The following L2HGDH variants were observed in gnomAD, a reference collection of about 807,000 sequenced individuals.
L2HGDH encodes L-2-hydroxyglutarate dehydrogenase, also known as L-2-hydroxyglutarate dehydrogenase, mitochondrial.
In L2HGDH, 34 loss-of-function variants were observed where a neutral mutation model predicts 51.5. That is an observed-to-expected ratio of 0.66 (90% CI 0.50 to 0.88). The LOEUF is 0.88. L2HGDH is among the 40% of genes least tolerant of loss of function. The pLI is 0.00. For synonymous variants in L2HGDH, 198 were observed against 197.9 expected (o/e 1.00, Z -0.01); for missense variants, 558 against 571.9 (o/e 0.98, Z 0.25).
chr14:50,251,853 C>T (rs1484109105), intron 9 of L2HGDH, among the ~76,000 whole-genome samples: 1 of 151,946 alleles, frequency 6.6e-6, no homozygotes, highest in East Asian at 1.9e-4. Flanking sequence ...ATATGTCCTA[C>T]AAGAAATACT....
At chr14:50,303,136 T>A in intron 1 of L2HGDH, 119 bp from the exon 2 acceptor site, 3 of 710,494 alleles carry the variant, frequency 4.2e-6, no homozygotes, top group Non-Finnish European at 2.5e-6. Flanking sequence ...TGAAAACGTA[T>A]TCGGCGGCCG....
At chr14:50,310,799 C>T (rs1229103277) in intron 1 of L2HGDH, among the ~76,000 whole-genome samples, 2 of 152,104 alleles carry the variant, frequency 1.3e-5, no homozygotes, top group Non-Finnish European at 2.9e-5. Flanking sequence ...GAACTGTCCA[C>T]ATGCCCCATA....
At chr14:50,288,922 T>G (rs1890713513) in intron 4 of L2HGDH, among the ~76,000 whole-genome samples, 1 of 152,254 alleles carries the variant, frequency 6.6e-6, no homozygotes, top group Admixed American at 6.5e-5. Context: ...ATTTGGTCTT[T>G]AAATCTGTTG....
intron 9 of L2HGDH, among the ~76,000 whole-genome samples, chr14:50,256,998 T>G (rs1342308000): frequency 1.3e-5 from 2 of 152,120 alleles, no homozygotes; most frequent in Admixed American, 1.3e-4. Context: ...TACAATGGTG[T>G]CATCTCAGCT....
chr14:50,301,993 C>T (rs767715371), intron 3 of L2HGDH, 24 bp downstream of exon 3: 1 of 1,613,086 alleles, frequency 6.2e-7, no homozygotes, highest in Admixed American at 1.7e-5. Context: ...GGAAATTAGT[C>T]AAGGCTCTAA....
At chr14:50,294,308 T>A in intron 3 of L2HGDH, 62 bp from the exon 4 acceptor site, 1 of 1,549,686 alleles carries the variant, frequency 6.5e-7, no homozygotes, top group African/African-American at 1.4e-5. Context: ...CGATGAAAGA[T>A]AAAGTCAATG....
chr14:50,308,438 CAA>C (rs1461011950), intron 1 of L2HGDH, among the ~76,000 whole-genome samples: 3 of 148,750 alleles, frequency 2.0e-5, no homozygotes, highest in African/African-American at 7.4e-5. Context: ...AATATTTCAT[CAA>C]AGAGGACAGA....
chr14:50,278,469 A>C (rs949426611), intron 6 of L2HGDH, 51 bp downstream of exon 6: 2 of 1,210,712 alleles, frequency 1.7e-6, no homozygotes, highest in Admixed American at 1.8e-5. Context: ...TTAATTTTTA[A>C]TAAAGGGGAG....
At chr14:50,286,347 A>G (rs990866773) in intron 4 of L2HGDH, among the ~76,000 whole-genome samples, 5 of 152,020 alleles carry the variant, frequency 3.3e-5, no homozygotes, top group Non-Finnish European at 7.4e-5. Flanking sequence ...GCTCTGCAAG[A>G]AGTACTTTAA....
intron 1 of L2HGDH, among the ~76,000 whole-genome samples, chr14:50,305,728 A>G (rs1224564755): frequency 6.6e-6 from 1 of 152,238 alleles, no homozygotes; most frequent in Non-Finnish European, 1.5e-5. Context: ...ACTTAATCAT[A>G]TTTTATATAC....
chr14:50,310,979 T>C (rs1338755654), intron 1 of L2HGDH, among the ~76,000 whole-genome samples: 73 of 147,090 alleles, frequency 5.0e-4, no homozygotes, highest in African/African-American at 1.7e-3. Context: ...AGTCTTGCTC[T>C]GTCGCCCAGG....
intron 4 of L2HGDH, among the ~76,000 whole-genome samples, chr14:50,285,735 C>G (rs1474881723): frequency 1.3e-5 from 2 of 152,190 alleles, no homozygotes; most frequent in East Asian, 3.8e-4. Flanking sequence ...TTACCCAGCA[C>G]AACGTCTGAC....
chr14:50,293,195 C>G, intron 4 of L2HGDH: 1 of 701,634 alleles, frequency 1.4e-6, no homozygotes, highest in Non-Finnish European at 2.6e-6. Flanking sequence ...GACATAGACC[C>G]GCCACATACC....
intron 5 of L2HGDH, among the ~76,000 whole-genome samples, chr14:50,279,497 A>G (rs989775689): frequency 5.3e-5 from 8 of 152,102 alleles, no homozygotes; most frequent in African/African-American, 1.9e-4. Context: ...GCTTATTACT[A>G]GGTGCTATTT....
rs993766640 is a variant in L2HGDH, at chr14:50,243,241, G to C, written c.*3817C>G. 5 of 985,220 alleles carry C rather than the reference G, an allele frequency of 5.1e-6. No individual in the cohort carries two copies. The African/African-American group carries it at 8.7e-5, about 17-fold the overall frequency. The allele number at this position is 985,220 out of a possible 1,614,324, so 61.0% of individuals were successfully genotyped here. On this transcript the variant is annotated 3_prime_UTR_variant, in exon 10 of 10. Transcript: ENST00000267436. ...AACATGAAACACCAAAAATATACTTGCTGGTACATCAAGAGTTCCTCACAA... is the reference window on the plus strand; with the variant it reads ...AACATGAAACACCAAAAATATACTTCCTGGTACATCAAGAGTTCCTCACAA...
rs775653644 is a variant in L2HGDH at position 50,302,116 on chromosome 14, A to G, written c.309T>C (p.Tyr103=). Reference sequence around the variant, plus strand: ...ATTTGGCTTTCAGAGACTCAGGTTTATAATAAATTCCACTATGTATGACAC... The same window carrying G: ...ATTTGGCTTTCAGAGACTCAGGTTTGTAATAAATTCCACTATGTATGACAC... The part of the protein sequence containing the change: ...NSGVIHSGIY[Y]KPESLKAKLC... The change falls in exon 3 of 10, where the codon TAT becomes TAC. Residue 103 remains tyrosine (Y), a synonymous_variant. Coordinates refer to ENST00000267436, the MANE Select transcript of L2HGDH (RefSeq NM_024884.3). 1 of 1,614,112 alleles carries G rather than the reference A, an allele frequency of 6.2e-7. No individual in the cohort carries two copies. Among genetic ancestry groups the G allele is most frequent in the Non-Finnish European group, 8.5e-7 (1 of 1,179,992 alleles).
At chr14:50,281,134 G>A (rs1308426394) in intron 5 of L2HGDH, among the ~76,000 whole-genome samples, 1 of 151,968 alleles carries the variant, frequency 6.6e-6, no homozygotes, top group African/African-American at 2.4e-5. Context: ...ACTTCTAAGG[G>A]AGAGAAAAAG....
In L2HGDH at chr14:50,242,702, C is replaced by T. The variant is rs1887852172; in HGVS notation, c.*4356G>A. ...TTCACCCTGTCCTTCTACCTTAAGC[C>T]CTGATGAAGAGATTTCAAAAACTCC... On this transcript the variant is annotated 3_prime_UTR_variant, in exon 10 of 10. Transcript: ENST00000267436. The T allele has an allele frequency of 1.0e-6, 1 of 985,394 alleles. No individual in the cohort carries two copies. Among genetic ancestry groups the T allele is most frequent in the Non-Finnish European group, 1.2e-6 (1 of 829,932 alleles). The allele number at this position is 985,394 out of a possible 1,614,324, so 61.0% of individuals were successfully genotyped here. A position where few individuals can be genotyped will look rare whatever the true frequency, so the allele number is the denominator to read the frequency against.
intron 5 of L2HGDH, chr14:50,282,457 T>C (rs1463500823): frequency 4.4e-6 from 2 of 456,056 alleles, no homozygotes; most frequent in East Asian, 1.4e-4. Flanking sequence ...CCAATGAAGC[T>C]TTCCACCTGA....
Sources: gnomAD v4.1 joint callset for allele counts (sites outside exome capture counted in the v4.1 genomes callset) on GRCh38, gnomAD v4.1.1 for gene constraint, MANE v1.5 for transcripts, NCBI Gene and HGNC (gene_info 2026-07-23, HGNC 2026-07-21) for gene names.